Variants in SLC25A21 observed in about 807,000 individuals in gnomAD.
SLC25A21 encodes solute carrier family 25 member 21, also known as mitochondrial 2-oxodicarboxylate carrier.
In SLC25A21, 47 loss-of-function variants were observed where a neutral mutation model predicts 43.8. The ratio of observed to expected loss-of-function variants is 1.07; its 90% CI spans 0.85 to 1.37. SLC25A21 has a LOEUF of 1.37. Ranked by LOEUF, SLC25A21 falls within the 40% of genes most tolerant of loss-of-function variation. SLC25A21 has a pLI of 0.00. For missense variants in SLC25A21, 352 were observed against 350.2 expected (o/e 1.00, Z -0.04); for synonymous variants, 131 against 121.3 (o/e 1.08, Z -0.52).
At chr14:37,109,908 C>T (rs376144964) in intron 1 of SLC25A21, among the ~76,000 whole-genome samples, 1 of 151,980 alleles carries the variant, frequency 6.6e-6, no homozygotes, top group Non-Finnish European at 1.5e-5. Context: ...AGTTATGTTT[C>T]CCACAAAGAT....
chr14:36,936,517 T>C (rs1368957259), intron 1 of SLC25A21, among the ~76,000 whole-genome samples: 1 of 152,180 alleles, frequency 6.6e-6, no homozygotes, highest in African/African-American at 2.4e-5. Flanking sequence ...GTGATAGAAA[T>C]GTTGACAATG....
rs1420029811 is a variant in SLC25A21 at position 37,145,468 on chromosome 14, CACACACACAG to C, written c.70+26803_70+26812del. On this transcript the variant is annotated intron_variant, in intron 1 of 9. Transcript: ENST00000331299. ...ACACACACACACACACACACACACA[CACACACACAG>C]AGAGATGAGCTAAATAACTCTTTGG... 8.8e-5 allele frequency among the ~76,000 whole-genome samples: 6 copies of C among 68,460 alleles called. No homozygotes were observed. In the East Asian group the frequency reaches 2.9e-3, roughly 34 times the overall value. 44.9% of individuals were successfully genotyped at this position (68,460 alleles called of 152,430 possible).
chr14:36,810,115 C>T (rs1888184586), intron 3 of SLC25A21, among the ~76,000 whole-genome samples: 1 of 152,046 alleles, frequency 6.6e-6, no homozygotes, highest in South Asian at 2.1e-4. Flanking sequence ...ATATTTCCAT[C>T]TCTAAGACTA....
At chr14:37,009,360 C>T (rs1050577117) in intron 1 of SLC25A21, among the ~76,000 whole-genome samples, 4 of 152,052 alleles carry the variant, frequency 2.6e-5, no homozygotes, top group Non-Finnish European at 4.4e-5. Context: ...GTGGTGCATG[C>T]CTGTAATCCC....
At chr14:37,141,336 G>A (rs1340835613) in intron 1 of SLC25A21, among the ~76,000 whole-genome samples, 1 of 152,092 alleles carries the variant, frequency 6.6e-6, no homozygotes, top group Non-Finnish European at 1.5e-5. Context: ...GCAATGTAAA[G>A]CATGTTTTTG....
At position 37,040,440 on chromosome 14, in the gene SLC25A21, A is replaced by G. The variant is rs559283140; in HGVS notation, c.70+131841T>C. On this transcript the variant is annotated intron_variant, in intron 1 of 9. Transcript: ENST00000331299. ...GAAAGAAAGAAAGAAAGAAAGAAAGAAAAGAAAAATTAGTTACAGGGTGAG... is the reference window on the plus strand; with the variant it reads ...GAAAGAAAGAAAGAAAGAAAGAAAGGAAAGAAAAATTAGTTACAGGGTGAG... Among the ~76,000 whole-genome samples the G allele has an allele frequency of 2.9e-4, 14 of 48,700 alleles. 4 individuals carry two copies. In the South Asian group the frequency reaches 3.4e-3, roughly 12 times the overall value. The allele number at this position is 48,700 out of a possible 152,430, so 31.9% of individuals were successfully genotyped here. A position where few individuals can be genotyped will look rare whatever the true frequency, so the allele number is the denominator to read the frequency against.
At chr14:36,704,607 A>G (rs1357900047) in intron 7 of SLC25A21, among the ~76,000 whole-genome samples, 1 of 150,546 alleles carries the variant, frequency 6.6e-6, no homozygotes, top group Non-Finnish European at 1.5e-5. Flanking sequence ...CAGTGAGCCA[A>G]GATAGTGCCA....
chr14:36,883,533 C>G (rs1890817013), intron 1 of SLC25A21, among the ~76,000 whole-genome samples: 1 of 152,114 alleles, frequency 6.6e-6, no homozygotes, highest in South Asian at 2.1e-4. Context: ...TTATTGTTTC[C>G]TGTCTGTCTC....
chr14:36,901,817 G>A (rs1400303175), intron 1 of SLC25A21, among the ~76,000 whole-genome samples: 3 of 152,112 alleles, frequency 2.0e-5, no homozygotes, highest in African/African-American at 4.8e-5. Context: ...TTAAATAACA[G>A]TAAACTATTT....
At chr14:36,750,972 G>A (rs560354817) in intron 3 of SLC25A21, among the ~76,000 whole-genome samples, 26 of 152,278 alleles carry the variant, frequency 1.7e-4, no homozygotes, top group Admixed American at 9.2e-4. Flanking sequence ...TATTCCCACT[G>A]GCCATGATCA....
chr14:36,859,596 C>G (rs1247442342), intron 2 of SLC25A21, among the ~76,000 whole-genome samples: 5 of 152,138 alleles, frequency 3.3e-5, no homozygotes, highest in African/African-American at 1.2e-4. Flanking sequence ...ATCCTGGGTT[C>G]AGATGACAGT....
chr14:37,003,830 C>A, intron 1 of SLC25A21, among the ~76,000 whole-genome samples: 1 of 152,144 alleles, frequency 6.6e-6, no homozygotes, highest in East Asian at 1.9e-4. Flanking sequence ...TGGGCATGTA[C>A]AATTGGTAAA....
At chr14:37,155,520 T>C (rs945552784) in intron 1 of SLC25A21, among the ~76,000 whole-genome samples, 2 of 152,068 alleles carry the variant, frequency 1.3e-5, no homozygotes, top group Admixed American at 1.3e-4. Flanking sequence ...GATAAAAAGA[T>C]AATTCTAAAA....
chr14:36,932,117 T>C (rs552628004), intron 1 of SLC25A21, among the ~76,000 whole-genome samples: 3 of 152,276 alleles, frequency 2.0e-5, no homozygotes, highest in South Asian at 4.1e-4. Context: ...AGAAAATATA[T>C]GCTTCTCAGG....
intron 1 of SLC25A21, among the ~76,000 whole-genome samples, chr14:37,008,783 T>C (rs1474819950): frequency 6.6e-6 from 1 of 152,178 alleles, no homozygotes; most frequent in Non-Finnish European, 1.5e-5. Flanking sequence ...AAGTTTTATG[T>C]CTCAATGATC....
chr14:36,948,608 G>A (rs557205779), intron 1 of SLC25A21, among the ~76,000 whole-genome samples: 1 of 152,224 alleles, frequency 6.6e-6, no homozygotes, highest in East Asian at 1.9e-4. Context: ...GTATCAAATT[G>A]TGATGAAAAG....
At chr14:37,033,559 A>G (rs80154735) in intron 1 of SLC25A21, among the ~76,000 whole-genome samples, 6,693 of 152,316 alleles carry the variant, frequency 0.044, 477 homozygotes, top group African/African-American at 0.15. Flanking sequence ...GGCCTAGAAG[A>G]AACTTAGCAC....
At chr14:36,931,968 C>T (rs181864435) in intron 1 of SLC25A21, among the ~76,000 whole-genome samples, 346 of 152,206 alleles carry the variant, frequency 2.3e-3, no homozygotes, top group African/African-American at 8.0e-3. Flanking sequence ...GAGATGATTA[C>T]GACACTAGTG....
At chr14:36,959,302 AT>A (rs1479114657) in intron 1 of SLC25A21, among the ~76,000 whole-genome samples, 1 of 152,112 alleles carries the variant, frequency 6.6e-6, no homozygotes, top group Non-Finnish European at 1.5e-5. Context: ...ATCCCCATTA[AT>A]TTTTATCTGA....
Sources: allele counts gnomAD v4.1 joint callset (sites outside exome capture counted in the v4.1 genomes callset), GRCh38; gene constraint gnomAD v4.1.1; transcripts MANE v1.5; gene names NCBI Gene and HGNC (gene_info 2026-07-23, HGNC 2026-07-21).